The following TRPM3 variants were observed in gnomAD, a reference collection of about 807,000 sequenced individuals.
TRPM3 encodes long transient receptor potential channel 3.
TRPM3 carries 77 observed loss-of-function variants against 181.2 expected under a neutral mutation model. The observed-to-expected ratio is 0.42, with a 90% confidence interval of 0.35 to 0.51. The LOEUF is 0.51. Among genes scored for constraint, TRPM3 ranks in the 20% least tolerant of loss-of-function variants. The pLI is 0.01. For synonymous variants in TRPM3, 745 were observed against 796.4 expected (o/e 0.94, Z 1.09); for missense variants, 1,759 against 2,196.7 (o/e 0.80, Z 3.98).
Position 70,888,848 on chromosome 9 carries a change from C to T in TRPM3, c.178-24337G>A, listed in dbSNP as rs552289706. Among the ~76,000 whole-genome samples, 13 of 152,222 alleles carry T rather than the reference C, an allele frequency of 8.5e-5. No homozygotes were observed. In the South Asian group the frequency reaches 2.7e-3, roughly 32 times the overall value. On this transcript the variant is annotated intron_variant, in intron 1 of 25. Coordinates refer to ENST00000677713, the MANE Select transcript of TRPM3 (RefSeq NM_001366145.2). ...TGATTCAACAACATTTCTGATCAAA[C>T]CTGGAAGATTAGACATATGCATTTA...
rs146625759 is a variant in TRPM3 at position 70,685,634 on chromosome 9, T to G, written c.1273-4056A>C. Among the ~76,000 whole-genome samples the G allele has an allele frequency of 1.1e-3, 166 of 152,258 alleles. 2 individuals are homozygous for G. Among genetic ancestry groups the G allele is most frequent in the African/African-American group, 3.8e-3 (159 of 41,554 alleles). On this transcript the variant is annotated intron_variant, in intron 8 of 25. Coordinates refer to ENST00000677713, the MANE Select transcript of TRPM3 (RefSeq NM_001366145.2). The stretch of plus-strand genomic sequence containing the variant: ...GTTGCCCAGAGCGATCTCAAACTCT[T>G]GGACTTAAGCCATCCTCACACCTTG...
At chr9:71,082,824 C>G (rs1308175844) in intron 1 of TRPM3, among the ~76,000 whole-genome samples, 1 of 151,966 alleles carries the variant, frequency 6.6e-6, no homozygotes, top group Non-Finnish European at 1.5e-5. Context: ...AGACACACCA[C>G]AAGGAGAATC....
intron 8 of TRPM3, among the ~76,000 whole-genome samples, chr9:70,700,632 C>G (rs547182077): frequency 1.4e-4 from 21 of 152,180 alleles, no homozygotes; most frequent in African/African-American, 4.3e-4. Context: ...AACTTATAGG[C>G]TGTCAACAGC....
chr9:71,316,353 T>G (rs549776192), intron 1 of TRPM3, among the ~76,000 whole-genome samples: 33 of 152,264 alleles, frequency 2.2e-4, no homozygotes, highest in African/African-American at 7.2e-4. Flanking sequence ...TTTTACCCAA[T>G]GTGGTAGGCA....
At chr9:70,902,816 G>A (rs897429529) in intron 1 of TRPM3, among the ~76,000 whole-genome samples, 4 of 152,208 alleles carry the variant, frequency 2.6e-5, no homozygotes, top group African/African-American at 9.7e-5. Context: ...TTTAGGGAAA[G>A]AGAAAGTTGT....
chr9:70,944,427 AG>A (rs1441606935), intron 1 of TRPM3, among the ~76,000 whole-genome samples: 1 of 152,090 alleles, frequency 6.6e-6, no homozygotes, highest in Non-Finnish European at 1.5e-5. Flanking sequence ...CAATTTCCAC[AG>A]CCCCACTTTT....
intron 1 of TRPM3, among the ~76,000 whole-genome samples, chr9:71,156,923 A>G (rs1410254645): frequency 6.6e-6 from 1 of 152,006 alleles, no homozygotes; most frequent in Non-Finnish European, 1.5e-5. Flanking sequence ...AATAACTTGA[A>G]GTGATTTAAG....
At chr9:70,758,688 C>T (rs926334678) in intron 8 of TRPM3, among the ~76,000 whole-genome samples, 13 of 152,130 alleles carry the variant, frequency 8.5e-5, no homozygotes, top group Admixed American at 3.9e-4. Context: ...AAATCTACAA[C>T]GATCTGATCT....
At chr9:70,603,962 C>A (rs1454966208) in intron 19 of TRPM3, among the ~76,000 whole-genome samples, 1 of 152,146 alleles carries the variant, frequency 6.6e-6, no homozygotes, top group Admixed American at 6.5e-5. Flanking sequence ...TAAAAATAGC[C>A]CAGGCTTAAA....
intron 1 of TRPM3, among the ~76,000 whole-genome samples, chr9:70,901,828 C>T (rs1271098878): frequency 6.6e-6 from 1 of 152,086 alleles, no homozygotes; most frequent in Non-Finnish European, 1.5e-5. Context: ...TGATTAATGA[C>T]CCAGAGAATG....
In TRPM3 at chr9:71,288,977, T is replaced by C. The variant is rs904383914; in HGVS notation, c.183+157676A>G. 6.0e-4 allele frequency among the ~76,000 whole-genome samples: 92 copies of C among 152,098 alleles called. 1 individual carries two copies. Among genetic ancestry groups the C allele is most frequent in the Non-Finnish European group, 2.9e-4 (20 of 68,020 alleles). ...CTTTCTAACTGCAAGTCCAGTTGTGTTTTGGGAGAACACAATTTACACAAT... is the reference window on the plus strand; with the variant it reads ...CTTTCTAACTGCAAGTCCAGTTGTGCTTTGGGAGAACACAATTTACACAAT... On this transcript the variant is annotated intron_variant, in intron 1 of 24. Coordinates refer to the TRPM3 transcript ENST00000357533.
chr9:70,581,894 T>C (rs10746851), intron 22 of TRPM3, among the ~76,000 whole-genome samples: 135,781 of 148,300 alleles, frequency 0.92, 62,230 homozygotes, highest in African/African-American at 0.96. Context: ...CTCCCTCCCT[T>C]CCTCCTTCCC....
At chr9:71,310,209 T>A (rs555158726) in intron 1 of TRPM3, among the ~76,000 whole-genome samples, 1 of 152,158 alleles carries the variant, frequency 6.6e-6, no homozygotes, top group Non-Finnish European at 1.5e-5. Flanking sequence ...ACACAGTAAC[T>A]GAAATTATAA....
Position 70,781,990 on chromosome 9 carries a change from A to G in TRPM3, c.1148+2115T>C, listed in dbSNP as rs1207399963. Among the ~76,000 whole-genome samples the G allele has an allele frequency of 2.0e-5, 3 of 151,400 alleles. No individual in the cohort carries two copies. In the East Asian group the frequency reaches 5.8e-4, roughly 29 times the overall value. ...GTGTACTTTTCCATGAGTTTTCTGAAAAAACAAACAAACAAACAAAAAAAC... is the reference window on the plus strand; with the variant it reads ...GTGTACTTTTCCATGAGTTTTCTGAGAAAACAAACAAACAAACAAAAAAAC... On this transcript the variant is annotated intron_variant, in intron 7 of 25. Coordinates refer to ENST00000677713, the MANE Select transcript of TRPM3 (RefSeq NM_001366145.2).
At chr9:71,342,060 G>A (rs1446308123) in intron 1 of TRPM3, among the ~76,000 whole-genome samples, 3 of 151,710 alleles carry the variant, frequency 2.0e-5, no homozygotes, top group South Asian at 4.1e-4. Flanking sequence ...CAGAAAAAAT[G>A]CAGAGTAACA....
chr9:71,226,009 TAAAAAAAAAAAAAAAAAAA>T, intron 1 of TRPM3, among the ~76,000 whole-genome samples: 10 of 34,708 alleles, frequency 2.9e-4, no homozygotes, highest in African/African-American at 6.3e-4. Flanking sequence ...CAACAAAAGG[TAAAAAAAAAAAAAAAAAAA>T]AAAAAAAAAA....
rs188894070 is a variant in TRPM3 at position 71,320,503 on chromosome 9, T to A, written c.183+126150A>T. Among the ~76,000 whole-genome samples, 312 of 151,400 alleles carry A rather than the reference T, an allele frequency of 2.1e-3. 1 individual carries two copies. Among genetic ancestry groups the A allele is most frequent in the African/African-American group, 7.2e-3 (293 of 40,720 alleles). Reference sequence around the variant, plus strand: ...AATATCCTTTTCTTAATCAGTATTCTGTACACTGTTCTTCATTTGTTCTTT... The same window carrying A: ...AATATCCTTTTCTTAATCAGTATTCAGTACACTGTTCTTCATTTGTTCTTT... On this transcript the variant is annotated intron_variant, in intron 1 of 24. Transcript: ENST00000357533.
At chr9:71,043,539 C>A (rs932893412) in intron 1 of TRPM3, among the ~76,000 whole-genome samples, 2 of 152,188 alleles carry the variant, frequency 1.3e-5, no homozygotes, top group Non-Finnish European at 2.9e-5. Context: ...TCTTCATAGG[C>A]AAGTATTTTG....
At chr9:71,354,234 A>T (rs959684621) in intron 1 of TRPM3, among the ~76,000 whole-genome samples, 1 of 152,202 alleles carries the variant, frequency 6.6e-6, no homozygotes, top group African/African-American at 2.4e-5. Flanking sequence ...AAGTTGCAAT[A>T]GGCCACAGAG....
Sources: allele counts gnomAD v4.1 joint callset (sites outside exome capture counted in the v4.1 genomes callset), GRCh38; gene constraint gnomAD v4.1.1; transcripts MANE v1.5; gene names NCBI Gene and HGNC (gene_info 2026-07-23, HGNC 2026-07-21).